The following TTLL5 variants were observed in gnomAD, a reference collection of about 807,000 sequenced individuals.
The protein encoded by TTLL5 is tubulin tyrosine ligase like 5.
A neutral mutation model predicts 168.4 loss-of-function variants in TTLL5; 132 were observed. The ratio of observed to expected loss-of-function variants is 0.78; its 90% CI spans 0.68 to 0.91. The LOEUF is 0.91. Ranked by LOEUF, TTLL5 falls within the 40% of genes least tolerant of loss-of-function variation. TTLL5 has a pLI of 0.00. For synonymous variants in TTLL5, 546 were observed against 558.6 expected (o/e 0.98, Z 0.32); for missense variants, 1,545 against 1,581.5 (o/e 0.98, Z 0.39).
At chr14:75,869,923 G>A (rs191508676) in intron 29 of TTLL5, among the ~76,000 whole-genome samples, 138 of 138,228 alleles carry the variant, frequency 1.0e-3, no homozygotes, top group African/African-American at 3.6e-3. Flanking sequence ...GGGTTCAAGC[G>A]ATTCCCCTGC....
At chr14:75,832,834 G>A (rs1209048981) in intron 28 of TTLL5, among the ~76,000 whole-genome samples, 2 of 152,144 alleles carry the variant, frequency 1.3e-5, no homozygotes, top group Non-Finnish European at 2.9e-5. Flanking sequence ...GTCTGTCATC[G>A]CTTCTCTTTC....
At chr14:75,667,751 G>GTTTTTTTTTTTTTTTTTT (rs67181555) in intron 2 of TTLL5, among the ~76,000 whole-genome samples, 4 of 89,084 alleles carry the variant, frequency 4.5e-5, no homozygotes, top group African/African-American at 4.4e-5. Flanking sequence ...ATCTTTTTAT[G>GTTTTTTTTTTTTTTTTTT]TTTTTTTTTT....
At chr14:75,782,836 C>CT (rs1474456614) in intron 25 of TTLL5, among the ~76,000 whole-genome samples, 1 of 152,144 alleles carries the variant, frequency 6.6e-6, no homozygotes, top group African/African-American at 2.4e-5. Context: ...GAGGAATTAG[C>CT]TGTTGCTAGT....
At chr14:75,884,383 G>A (rs2031984639) in intron 30 of TTLL5, among the ~76,000 whole-genome samples, 2 of 152,236 alleles carry the variant, frequency 1.3e-5, no homozygotes, top group South Asian at 4.1e-4. Context: ...GGCAGGGCTG[G>A]ACATTTGAAG....
chr14:75,667,761 T>TG (rs1883388047), intron 2 of TTLL5, among the ~76,000 whole-genome samples: 2 of 143,818 alleles, frequency 1.4e-5, no homozygotes, highest in African/African-American at 5.1e-5. Context: ...GTTTTTTTTT[T>TG]TTTTTTTTTT....
rs1353885840 is a variant in TTLL5, at chr14:75,841,881, A to G, written c.3326+21720A>G. On this transcript the variant is annotated intron_variant, in intron 28 of 31. Transcript: ENST00000298832. ...AAAAGGTTGGTTTGTATATTTTTTCATGTATTTTTCTGTGATGTTTTTCTA... is the reference window on the plus strand; with the variant it reads ...AAAAGGTTGGTTTGTATATTTTTTCGTGTATTTTTCTGTGATGTTTTTCTA... Among the ~76,000 whole-genome samples the G allele has an allele frequency of 2.8e-4, 43 of 152,140 alleles. 2 individuals carry two copies. Among genetic ancestry groups the G allele is most frequent in the Admixed American group, 2.7e-3 (42 of 15,280 alleles).
intron 26 of TTLL5, among the ~76,000 whole-genome samples, chr14:75,786,508 T>G (rs966777576): frequency 1.3e-5 from 2 of 152,206 alleles, no homozygotes; most frequent in Admixed American, 1.3e-4. Context: ...TTATTTCCAC[T>G]GTGGTCAGAG....
chr14:75,810,839 C>T (rs1240408613), intron 27 of TTLL5, among the ~76,000 whole-genome samples: 2 of 152,162 alleles, frequency 1.3e-5, no homozygotes, highest in African/African-American at 4.8e-5. Context: ...GCACAAGGCA[C>T]AACATCTGTA....
intron 25 of TTLL5, 92 bp downstream of exon 25, chr14:75,782,665 A>G (rs1892126361): frequency 1.9e-6 from 2 of 1,034,558 alleles, no homozygotes; most frequent in Non-Finnish European, 2.8e-6. Context: ...TTTCTAAAGC[A>G]TGGAACATTA....
chr14:75,775,276 G>C (rs534821232), intron 21 of TTLL5, among the ~76,000 whole-genome samples: 8 of 152,192 alleles, frequency 5.3e-5, no homozygotes, highest in African/African-American at 1.4e-4. Flanking sequence ...ATTGCCAGCT[G>C]ATTGAGGGAA....
At chr14:75,811,742 G>A (rs924936821) in intron 27 of TTLL5, among the ~76,000 whole-genome samples, 1 of 152,196 alleles carries the variant, frequency 6.6e-6, no homozygotes, top group Admixed American at 6.5e-5. Context: ...AGAGCATGCA[G>A]CATTGAAATA....
At chr14:75,914,033 A>AAAATATATATATATATATATAT in intron 31 of TTLL5, among the ~76,000 whole-genome samples, 6 of 71,096 alleles carry the variant, frequency 8.4e-5, no homozygotes, top group African/African-American at 1.6e-4. Context: ...AAAAAAAAAA[A>AAAATATATATATATATATATAT]ATATATATAT....
chr14:75,809,381 A>G (rs1433556371), intron 27 of TTLL5, among the ~76,000 whole-genome samples: 1 of 152,108 alleles, frequency 6.6e-6, no homozygotes. Flanking sequence ...TTCTTTATAT[A>G]TTTCAGTGAT....
intron 28 of TTLL5, among the ~76,000 whole-genome samples, chr14:75,855,833 C>A (rs1046013009): frequency 6.6e-6 from 1 of 152,112 alleles, no homozygotes; most frequent in Non-Finnish European, 1.5e-5. Context: ...TTCTTTAGAG[C>A]GACATAATAC....
intron 7 of TTLL5, among the ~76,000 whole-genome samples, chr14:75,700,922 G>A (rs79287999): frequency 0.016 from 2,370 of 151,758 alleles, 79 homozygotes; most frequent in African/African-American, 0.054. Flanking sequence ...CTGGATATTT[G>A]GCAGGCATTT....
At chr14:75,736,699 T>C (rs1459489697) in intron 15 of TTLL5, among the ~76,000 whole-genome samples, 3 of 152,198 alleles carry the variant, frequency 2.0e-5, no homozygotes, top group African/African-American at 4.8e-5. Flanking sequence ...AAGCATAACA[T>C]GTCTTTGAGC....
intron 29 of TTLL5, among the ~76,000 whole-genome samples, chr14:75,865,535 A>G (rs1277974053): frequency 6.6e-6 from 1 of 151,516 alleles, no homozygotes; most frequent in Non-Finnish European, 1.5e-5. Context: ...TACAAGTCAG[A>G]AAAAAAAACT....
At chr14:75,806,957 A>G (rs1468128870) in intron 27 of TTLL5, among the ~76,000 whole-genome samples, 1 of 151,948 alleles carries the variant, frequency 6.6e-6, no homozygotes, top group Admixed American at 6.6e-5. Context: ...GTGCTCCTTC[A>G]TTCCTTCATT....
intron 15 of TTLL5, 136 bp from the exon 16 acceptor site, chr14:75,744,959 T>A (rs1889510468): frequency 1.7e-5 from 12 of 697,180 alleles, no homozygotes; most frequent in Non-Finnish European, 2.6e-5. Flanking sequence ...CTGAGATTAA[T>A]TACAGAAAGT....
Sources: gnomAD v4.1 joint callset for allele counts (sites outside exome capture counted in the v4.1 genomes callset) on GRCh38, gnomAD v4.1.1 for gene constraint, MANE v1.5 for transcripts, NCBI Gene and HGNC (gene_info 2026-07-23, HGNC 2026-07-21) for gene names.